The following UTRN variants were observed in gnomAD, a reference collection of about 807,000 sequenced individuals.
UTRN encodes the protein utrophin.
UTRN carries 283 observed loss-of-function variants against 463.9 expected under a neutral mutation model. The observed-to-expected ratio is 0.61, with a 90% CI of 0.55 to 0.67. The LOEUF (loss-of-function observed/expected upper bound fraction) is 0.67, where lower values mean the gene tolerates loss of function less well. Among genes scored for constraint, UTRN ranks in the 30% least tolerant of loss-of-function variants. The probability of loss-of-function intolerance (pLI) is 0.00; values close to 1 mark genes in which losing one functional copy is unlikely to be tolerated. For missense variants in UTRN, 3,922 were observed against 4,084.3 expected (o/e 0.96, Z 1.08); for synonymous variants, 1,442 against 1,431.5 (o/e 1.01, Z -0.17).
intron 41 of UTRN, among the ~76,000 whole-genome samples, chr6:144,523,536 C>T (rs1362675226): frequency 3.9e-5 from 6 of 152,110 alleles, no homozygotes; most frequent in Non-Finnish European, 7.4e-5. Flanking sequence ...TATTGAACTC[C>T]GGACCTCAGG....
chr6:144,467,719 C>T (rs1409457652), intron 23 of UTRN, among the ~76,000 whole-genome samples: 2 of 152,072 alleles, frequency 1.3e-5, no homozygotes, highest in Admixed American at 6.6e-5. Context: ...AATATTAGTA[C>T]GGATGATTTA....
rs1789133268 is a variant in UTRN, at chr6:144,458,901, C to T, written c.2416C>T (p.Gln806Ter). The change falls in exon 20 of 75, where the codon CAG becomes TAG. Residue 806 changes from glutamine to a stop codon, truncating the protein, a stop_gained. Coordinates refer to ENST00000367545, the MANE Select transcript of UTRN (RefSeq NM_007124.3). LOFTEE classifies it high-confidence loss of function. ...LQEDINAYFKQLDELEKVIKT... is the reference protein window; with the variant it reads ...LQEDINAYFK ...GGAAGATATAAATGCTTATTTCAAGCAGCTTGATGAGCTTGAAAAGGTCAT... is the reference window on the plus strand; with the variant it reads ...GGAAGATATAAATGCTTATTTCAAGTAGCTTGATGAGCTTGAAAAGGTCAT... 3 of 1,613,758 alleles carry T rather than the reference C, an allele frequency of 1.9e-6. No homozygotes were observed. The highest frequency in any genetic ancestry group is 2.5e-6 in the Non-Finnish European group (3 of 1,179,928).
intron 66 of UTRN, among the ~76,000 whole-genome samples, chr6:144,821,624 T>A (rs1315693794): frequency 1.3e-5 from 2 of 152,036 alleles, no homozygotes; most frequent in Non-Finnish European, 2.9e-5. Context: ...CATGAAAGTT[T>A]CAAGATGGTG....
At chr6:144,476,645 G>T (rs1396742190) in intron 25 of UTRN, among the ~76,000 whole-genome samples, 1 of 152,238 alleles carries the variant, frequency 6.6e-6, no homozygotes, top group African/African-American at 2.4e-5. Flanking sequence ...AACGGGGAAT[G>T]TGGGGTCCCA....
chr6:144,813,213 G>C (rs1466158740), intron 65 of UTRN, among the ~76,000 whole-genome samples: 1 of 150,866 alleles, frequency 6.6e-6, no homozygotes, highest in East Asian at 1.9e-4. Flanking sequence ...TTTTGAAATG[G>C]AGTTTCGCTC....
intron 65 of UTRN, among the ~76,000 whole-genome samples, chr6:144,811,855 A>T (rs1368970878): frequency 1.3e-5 from 2 of 152,052 alleles, no homozygotes. Flanking sequence ...TTAAGAAGTA[A>T]CTCTTGCTAA....
chr6:144,611,385 A>G (rs559232690), intron 51 of UTRN, among the ~76,000 whole-genome samples: 1 of 152,344 alleles, frequency 6.6e-6, no homozygotes, highest in African/African-American at 2.4e-5. Context: ...GGGAAGGGAA[A>G]GAAATTAAAG....
At chr6:144,697,895 T>A (rs906754587) in intron 52 of UTRN, among the ~76,000 whole-genome samples, 1 of 152,228 alleles carries the variant, frequency 6.6e-6, no homozygotes, top group Non-Finnish European at 1.5e-5. Context: ...CAAAGGAATA[T>A]AATGTGTGAT....
intron 26 of UTRN, among the ~76,000 whole-genome samples, chr6:144,480,601 G>A (rs192232925): frequency 7.7e-4 from 117 of 152,202 alleles, no homozygotes; most frequent in African/African-American, 2.7e-3. Context: ...TACATTTCCT[G>A]TAAACTTGTA....
intron 2 of UTRN, among the ~76,000 whole-genome samples, chr6:144,391,805 C>A (rs1335861668): frequency 6.6e-6 from 1 of 152,202 alleles, no homozygotes; most frequent in Admixed American, 6.5e-5. Flanking sequence ...CCACACCCAT[C>A]TAATTTTTGT....
intron 53 of UTRN, among the ~76,000 whole-genome samples, chr6:144,708,815 C>G (rs1785352996): frequency 6.6e-6 from 1 of 152,132 alleles, no homozygotes; most frequent in Non-Finnish European, 1.5e-5. Flanking sequence ...TTGGCTCACA[C>G]TTTTGGAGGC....
intron 46 of UTRN, among the ~76,000 whole-genome samples, chr6:144,547,117 G>C (rs1396720109): frequency 6.6e-6 from 1 of 152,194 alleles, no homozygotes; most frequent in East Asian, 1.9e-4. Flanking sequence ...TGGTGGTCCT[G>C]TGGATGTAGG....
chr6:144,808,535 G>GT (rs1450987244), intron 65 of UTRN, among the ~76,000 whole-genome samples: 2 of 151,980 alleles, frequency 1.3e-5, no homozygotes, highest in African/African-American at 4.8e-5. Context: ...GTGTGGTTTT[G>GT]TTTTTTGAGA....
chr6:144,431,819 C>T (rs1785878423), intron 9 of UTRN, among the ~76,000 whole-genome samples: 1 of 152,152 alleles, frequency 6.6e-6, no homozygotes. Flanking sequence ...TTTTCTTTCT[C>T]TGTCTTTGGC....
intron 58 of UTRN, among the ~76,000 whole-genome samples, chr6:144,770,265 C>T (rs1024025394): frequency 6.6e-6 from 1 of 152,288 alleles, no homozygotes; most frequent in East Asian, 1.9e-4. Context: ...TGCAAATACA[C>T]ACTTTAAATA....
chr6:144,790,700 A>G (rs918897736), intron 62 of UTRN, among the ~76,000 whole-genome samples: 1 of 152,250 alleles, frequency 6.6e-6, no homozygotes, highest in Non-Finnish European at 1.5e-5. Flanking sequence ...TCATGAAAAG[A>G]TATAATTTCA....
intron 51 of UTRN, among the ~76,000 whole-genome samples, chr6:144,632,457 T>G (rs531528669): frequency 6.6e-6 from 1 of 152,082 alleles, no homozygotes; most frequent in Non-Finnish European, 1.5e-5. Context: ...TTTTCTACTT[T>G]TTTTTCCTGA....
intron 51 of UTRN, among the ~76,000 whole-genome samples, chr6:144,638,525 A>G (rs1777424652): frequency 6.6e-6 from 1 of 152,198 alleles, no homozygotes; most frequent in South Asian, 2.1e-4. Context: ...GAAAGAAGTC[A>G]CTTAACATAG....
chr6:144,683,712 G>C (rs906601527), intron 52 of UTRN, among the ~76,000 whole-genome samples: 1 of 152,088 alleles, frequency 6.6e-6, no homozygotes, highest in Non-Finnish European at 1.5e-5. Context: ...TTTCAATAGA[G>C]GTTAATTTCC....
Sources: gnomAD v4.1 joint callset for allele counts (sites outside exome capture counted in the v4.1 genomes callset) on GRCh38, gnomAD v4.1.1 for gene constraint, MANE v1.5 for transcripts, NCBI Gene and HGNC (gene_info 2026-07-23, HGNC 2026-07-21) for gene names.